Variants in VDAC1 observed in about 807,000 individuals in gnomAD.
The protein encoded by VDAC1 is voltage dependent anion channel 1, also known as non-selective voltage-gated ion channel VDAC1.
Under a neutral mutation model 34.7 loss-of-function variants are expected in VDAC1, and 10 were observed. The ratio of observed to expected loss-of-function variants is 0.29; its 90% CI spans 0.18 to 0.49. The LOEUF (loss-of-function observed/expected upper bound fraction) is 0.49, where lower values mean the gene tolerates loss of function less well. VDAC1 is among the 20% of genes least tolerant of loss of function. VDAC1 has a pLI of 0.99. For missense variants in VDAC1, 230 were observed against 347.9 expected (o/e 0.66, Z 2.69); for synonymous variants, 130 against 136.0 (o/e 0.96, Z 0.30).
At chr5:133,997,331 TA>T (rs1186854772) in intron 1 of VDAC1, among the ~76,000 whole-genome samples, 1 of 152,044 alleles carries the variant, frequency 6.6e-6, no homozygotes, top group African/African-American at 2.4e-5. Flanking sequence ...AGAAGCAACC[TA>T]AAAGTCCATC....
the VDAC1 span, among the ~76,000 whole-genome samples, chr5:134,056,474 CTG>C: frequency 8.0e-6 from 1 of 125,020 alleles, no homozygotes; most frequent in East Asian, 2.4e-4. Flanking sequence ...GGGTTTATCT[CTG>C]TTGCCCAGGT....
upstream of VDAC1, among the ~76,000 whole-genome samples, chr5:134,006,768 AAAC>A (rs1445709498): frequency 1.2e-3 from 170 of 143,234 alleles, no homozygotes; most frequent in African/African-American, 3.6e-3. Flanking sequence ...AAACAAAAAA[AAAC>A]AACAACTTGG....
the VDAC1 span, among the ~76,000 whole-genome samples, chr5:134,074,305 AAAATAAATAAATAAATAAAT>A: frequency 1.2e-3 from 158 of 136,772 alleles, no homozygotes; most frequent in African/African-American, 3.8e-3. Flanking sequence ...ACTCCATCTC[AAAATAAATAAATAAATAAAT>A]AAATAAATAA....
the VDAC1 span, among the ~76,000 whole-genome samples, chr5:134,050,429 T>G: frequency 1.3e-5 from 2 of 152,178 alleles, no homozygotes; most frequent in African/African-American, 4.8e-5. Flanking sequence ...CTTTGGGGGA[T>G]GCACTGAAGA....
chr5:134,044,336 C>A, the VDAC1 span, among the ~76,000 whole-genome samples: 1 of 152,228 alleles, frequency 6.6e-6, no homozygotes, highest in Non-Finnish European at 1.5e-5. Context: ...TGCACAACGG[C>A]CCCTCCAACA....
chr5:134,052,169 C>A, the VDAC1 span, among the ~76,000 whole-genome samples: 1 of 152,108 alleles, frequency 6.6e-6, no homozygotes, highest in Non-Finnish European at 1.5e-5. Context: ...TCTGAAGGGT[C>A]AAGCTTTCCT....
chr5:134,086,556 C>G, the VDAC1 span, among the ~76,000 whole-genome samples: 1 of 152,204 alleles, frequency 6.6e-6, no homozygotes. Context: ...TTCTTGACAG[C>G]TTTTGCCAAA....
the VDAC1 span, among the ~76,000 whole-genome samples, chr5:134,098,963 A>G: frequency 6.6e-6 from 1 of 152,152 alleles, no homozygotes; most frequent in Non-Finnish European, 1.5e-5. Context: ...GCCAGGCTGG[A>G]CTCCAGGCTC....
At chr5:134,103,680 G>A in the VDAC1 span, among the ~76,000 whole-genome samples, 25 of 152,218 alleles carry the variant, frequency 1.6e-4, no homozygotes, top group Admixed American at 1.4e-3. Flanking sequence ...CCAAAGGGTT[G>A]TTTTTAAGTG....
intron 7 of VDAC1, 90 bp from the exon 8 acceptor site, chr5:133,973,938 CTTGGACT>C: frequency 7.8e-7 from 1 of 1,288,964 alleles, no homozygotes; most frequent in Non-Finnish European, 1.1e-6. Flanking sequence ...GTCAACCAAC[CTTGGACT>C]TTAGAATCAA....
In VDAC1 at chr5:133,972,311, G is replaced by T. The variant is rs145633627; in HGVS notation, c.*460C>A. ...GGTGTAAAAGAGATGATGATGAACT[G>T]GGGTGGGAACAGGTCATGAAGATCT... On this transcript the variant is annotated 3_prime_UTR_variant, in exon 9 of 9. Coordinates refer to ENST00000265333, the MANE Select transcript of VDAC1 (RefSeq NM_003374.3). 1,541 of 292,252 alleles carry T rather than the reference G, an allele frequency of 5.3e-3. 24 individuals are homozygous for T. Among genetic ancestry groups the T allele is most frequent in the African/African-American group, 0.03 (1,391 of 46,498 alleles). 18.1% of individuals were successfully genotyped at this position (292,252 alleles called of 1,614,324 possible).
chr5:134,004,366 C>T (rs1051672600), intron 1 of VDAC1: 1 of 152,270 alleles, frequency 6.6e-6, no homozygotes, highest in African/African-American at 2.4e-5. Flanking sequence ...GCACTTCCGC[C>T]CGCAAGCCCG....
At chr5:133,979,932 A>G (rs1041084896) in intron 6 of VDAC1, among the ~76,000 whole-genome samples, 4 of 152,276 alleles carry the variant, frequency 2.6e-5, no homozygotes, top group Admixed American at 2.6e-4. Flanking sequence ...TAGCTGTAAC[A>G]GATTCCAAAT....
the VDAC1 span, among the ~76,000 whole-genome samples, chr5:134,102,169 G>C: frequency 6.6e-3 from 1,008 of 152,136 alleles, 11 homozygotes; most frequent in African/African-American, 0.022. Context: ...AGCCACCAGG[G>C]GGGGTCTGTG....
chr5:134,085,722 T>TAAAAAAAAA, the VDAC1 span, among the ~76,000 whole-genome samples: 181 of 44,246 alleles, frequency 4.1e-3, 39 homozygotes, highest in Middle Eastern at 0.019. Flanking sequence ...ACCCCATTTC[T>TAAAAAAAAA]AAAAAAAAAA....
chr5:134,096,722 T>C, the VDAC1 span, among the ~76,000 whole-genome samples: 2 of 152,132 alleles, frequency 1.3e-5, no homozygotes, highest in African/African-American at 4.8e-5. Context: ...GCCTCCCAAG[T>C]AGCTGGGATT....
chr5:134,090,299 G>A, the VDAC1 span, among the ~76,000 whole-genome samples: 11 of 152,214 alleles, frequency 7.2e-5, no homozygotes, highest in Admixed American at 1.3e-4. Flanking sequence ...AACGCCTGGC[G>A]TTTCTCCTCT....
chr5:134,026,053 C>T, the VDAC1 span, among the ~76,000 whole-genome samples: 14 of 152,084 alleles, frequency 9.2e-5, no homozygotes, highest in Non-Finnish European at 1.0e-4. Context: ...GGAGTCATTG[C>T]CGGGCAAGCA....
the VDAC1 span, among the ~76,000 whole-genome samples, chr5:134,020,887 G>A: frequency 2.0e-5 from 3 of 152,070 alleles, no homozygotes; most frequent in Non-Finnish European, 2.9e-5. Flanking sequence ...GCCAGTCACA[G>A]GGGCTCACTC....
Sources: gnomAD v4.1 joint callset for allele counts (sites outside exome capture counted in the v4.1 genomes callset) on GRCh38, gnomAD v4.1.1 for gene constraint, MANE v1.5 for transcripts, NCBI Gene and HGNC (gene_info 2026-07-23, HGNC 2026-07-21) for gene names.